The following GRAMD2B variants were observed in gnomAD, a reference collection of about 807,000 sequenced individuals.
The protein encoded by GRAMD2B is GRAM domain containing 2B.
In GRAMD2B, 41 loss-of-function variants were observed where a neutral mutation model predicts 59.2. That is an observed-to-expected ratio of 0.69 (90% CI 0.54 to 0.90). The LOEUF is 0.90. Among genes scored for constraint, GRAMD2B ranks in the 40% least tolerant of loss-of-function variants. GRAMD2B has a pLI of 0.00. For synonymous variants in GRAMD2B, 161 were observed against 182.7 expected, an observed-to-expected ratio of 0.88 and a Z score of 0.96; for missense variants, 424 against 500.5, an observed-to-expected ratio of 0.85 and a Z score of 1.46.
At chr5:126,442,015 G>A (rs1022638674) in intron 1 of GRAMD2B, among the ~76,000 whole-genome samples, 2 of 151,670 alleles carry the variant, frequency 1.3e-5, no homozygotes, top group Non-Finnish European at 2.9e-5. Flanking sequence ...ACCTTTTTAT[G>A]TAAAAAATCT....
intron 1 of GRAMD2B, among the ~76,000 whole-genome samples, chr5:126,436,122 A>G (rs1430972071): frequency 3.3e-5 from 5 of 152,226 alleles, no homozygotes; most frequent in African/African-American, 9.6e-5. Flanking sequence ...AGAGAATACA[A>G]TTTTAGGTTA....
intron 1 of GRAMD2B, among the ~76,000 whole-genome samples, chr5:126,428,630 G>C (rs1017316043): frequency 1.3e-5 from 2 of 152,210 alleles, no homozygotes; most frequent in African/African-American, 4.8e-5. Flanking sequence ...GACCTGGCAA[G>C]TTACTCAGCA....
Position 126,493,195 on chromosome 5 carries a change from A to G in GRAMD2B, c.*239A>G. The stretch of plus-strand genomic sequence containing the variant: ...ATTTTGCTGCTTTTGCCTGAAGAAA[A>G]CAGACCCATCTCTGGAGGTCTCAGG... On this transcript the variant is annotated 3_prime_UTR_variant, in exon 14 of 14. Coordinates refer to ENST00000285689, the MANE Select transcript of GRAMD2B (RefSeq NM_023927.4). 1 of 521,796 alleles carries G rather than the reference A, an allele frequency of 1.9e-6. No individual in the cohort carries two copies. The highest frequency in any genetic ancestry group is 3.5e-6 in the Non-Finnish European group (1 of 289,662). 32.3% of individuals were successfully genotyped at this position (521,796 alleles called of 1,614,324 possible).
chr5:126,481,650 A>G (rs1055158501), intron 8 of GRAMD2B, among the ~76,000 whole-genome samples: 2 of 152,184 alleles, frequency 1.3e-5, no homozygotes, highest in Non-Finnish European at 2.9e-5. Flanking sequence ...ATACCTATAC[A>G]ATGGGATATT....
intron 1 of GRAMD2B, among the ~76,000 whole-genome samples, chr5:126,376,028 C>T (rs1379818852): frequency 6.6e-6 from 1 of 152,162 alleles, no homozygotes; most frequent in Non-Finnish European, 1.5e-5. Context: ...GCTGTAACGT[C>T]TATAGGTAGT....
At position 126,493,249 on chromosome 5, in the gene GRAMD2B, T is replaced by C; in HGVS notation, c.*293T>C. On this transcript the variant is annotated 3_prime_UTR_variant, in exon 14 of 14. Transcript: ENST00000285689. Reference sequence around the variant, plus strand: ...GGCCCAGCGAACACACTCTCTTGGATAATTACCACGATGGCGTCAGCAAAC... The same window carrying C: ...GGCCCAGCGAACACACTCTCTTGGACAATTACCACGATGGCGTCAGCAAAC... The C allele has an allele frequency of 2.6e-6, 1 of 385,958 alleles. No homozygotes were observed. Among genetic ancestry groups the C allele is most frequent in the Non-Finnish European group, 4.7e-6 (1 of 210,916 alleles). 23.9% of individuals were successfully genotyped at this position (385,958 alleles called of 1,614,324 possible).
rs1769734183 is a variant in GRAMD2B, at chr5:126,472,253, CA to C, written c.332del (p.His111ProfsTer15). On this transcript the variant is annotated frameshift_variant, in exon 4 of 14. Coordinates refer to ENST00000285689, the MANE Select transcript of GRAMD2B (RefSeq NM_023927.4). LOFTEE classifies it high-confidence loss of function. Reference sequence around the variant, plus strand: ...CTCATTGTAGTACAAGGCCAATATGCACTTTCACAAGTTGTTTCTTAGTGTC... The same window carrying C: ...CTCATTGTAGTACAAGGCCAATATGCCTTTCACAAGTTGTTTCTTAGTGTC... ...SSSSQYKANM[H>X]FHKLFLSVPT... 7 of 1,613,372 alleles carry C rather than the reference CA, an allele frequency of 4.3e-6. No individual in the cohort carries two copies. Among genetic ancestry groups the C allele is most frequent in the Non-Finnish European group, 5.9e-6 (7 of 1,179,308 alleles).
chr5:126,388,694 T>A (rs1356154728), intron 1 of GRAMD2B, among the ~76,000 whole-genome samples: 3 of 151,606 alleles, frequency 2.0e-5, no homozygotes, highest in Admixed American at 1.3e-4. Flanking sequence ...ATACAACATA[T>A]TTGTAATGTA....
rs1758867196 is a variant in GRAMD2B at position 126,412,193 on chromosome 5, CA to C, written c.125+40627del. 2.0e-5 allele frequency among the ~76,000 whole-genome samples: 3 copies of C among 152,064 alleles called. No individual in the cohort carries two copies. The South Asian group carries it at 6.2e-4, about 32-fold the overall frequency. ...GAGAATCCTTGTTTGTTCCACTTCT[CA>C]GGGAAAATGCTTTCAGTTTTTGCCT... On this transcript the variant is annotated intron_variant, in intron 1 of 8. Transcript: ENST00000506445.
intron 1 of GRAMD2B, among the ~76,000 whole-genome samples, chr5:126,464,397 T>C (rs1241969248): frequency 6.6e-6 from 1 of 152,234 alleles, no homozygotes; most frequent in African/African-American, 2.4e-5. Flanking sequence ...TTCTGATCCA[T>C]AAATAACATT....
chr5:126,439,328 C>CTTT lies in GRAMD2B; in HGVS notation c.83+15654_83+15656dup, dbSNP rs930960414. ...ATTGTTTCTTTGTTTTTTGGTTTTG[C>CTTT]TTTTTTTTTTTTTTTTTGGAGACAG... On this transcript the variant is annotated intron_variant, in intron 1 of 13. Transcript: ENST00000285689. 1.5e-4 allele frequency among the ~76,000 whole-genome samples: 18 copies of CTTT among 122,562 alleles called. 1 individual carries two copies. The highest frequency in any genetic ancestry group is 4.8e-4 in the African/African-American group (14 of 29,228). 80.4% of individuals were successfully genotyped at this position (122,562 alleles called of 152,430 possible). A position where few individuals can be genotyped will look rare whatever the true frequency, so the allele number is the denominator to read the frequency against.
Position 126,408,180 on chromosome 5 carries a change from G to A in GRAMD2B, c.125+36613G>A, listed in dbSNP as rs150193178. ...TAAGTAACTGATGTTAAGCTCCCAT[G>A]TATAAGTGAAAACATGTGATATTTG... On this transcript the variant is annotated intron_variant, in intron 1 of 8. Transcript: ENST00000506445. 4.3e-3 allele frequency among the ~76,000 whole-genome samples: 658 copies of A among 152,032 alleles called. 5 individuals carry two copies. Among genetic ancestry groups the A allele is most frequent in the African/African-American group, 0.015 (627 of 41,498 alleles).
exon 1 of GRAMD2B, chr5:126,360,237 G>A: frequency 7.1e-7 from 1 of 1,411,548 alleles, no homozygotes; most frequent in East Asian, 2.5e-5. Context: ...ACACCAACTG[G>A]CTCAAAGAGC....
intron 1 of GRAMD2B, among the ~76,000 whole-genome samples, chr5:126,414,106 A>G (rs1759065445): frequency 6.6e-6 from 1 of 152,190 alleles, no homozygotes; most frequent in Non-Finnish European, 1.5e-5. Context: ...CATCCAGTGC[A>G]GAAAAGTAAA....
At chr5:126,426,215 G>C (rs1760594230) in intron 1 of GRAMD2B, among the ~76,000 whole-genome samples, 2 of 152,022 alleles carry the variant, frequency 1.3e-5, no homozygotes, top group African/African-American at 4.8e-5. Flanking sequence ...ATATGCAGAA[G>C]GAATAAGGAA....
chr5:126,372,505 T>C (rs1328180385), intron 1 of GRAMD2B, among the ~76,000 whole-genome samples: 1 of 152,170 alleles, frequency 6.6e-6, no homozygotes, highest in Admixed American at 6.5e-5. Context: ...AGTTCTATTT[T>C]ATTTAATTGC....
chr5:126,468,496 T>A (rs1768889424), intron 2 of GRAMD2B, among the ~76,000 whole-genome samples: 1 of 152,080 alleles, frequency 6.6e-6, no homozygotes, highest in Admixed American at 6.6e-5. Context: ...TAATTTAACT[T>A]TATTTTTTTG....
exon 1 of GRAMD2B, chr5:126,360,365 A>C: frequency 6.4e-7 from 1 of 1,551,392 alleles, no homozygotes; most frequent in South Asian, 1.2e-5. Context: ...ACAAGCAAAA[A>C]GGAGCATTCA....
intron 1 of GRAMD2B, among the ~76,000 whole-genome samples, chr5:126,448,278 A>G (rs11958374): frequency 0.28 from 41,794 of 151,842 alleles, 6,042 homozygotes; most frequent in African/African-American, 0.37. Context: ...GGGGTTGGGG[A>G]AGTTGCCAGG....
Sources: gnomAD v4.1 joint callset for allele counts (sites outside exome capture counted in the v4.1 genomes callset) on GRCh38, gnomAD v4.1.1 for gene constraint, MANE v1.5 for transcripts, NCBI Gene and HGNC (gene_info 2026-07-23, HGNC 2026-07-21) for gene names.